EPHA3: variants seen among roughly 807,000 people sequenced by gnomAD.
The protein encoded by EPHA3 is ephrin type-A receptor 3.
A neutral mutation model predicts 107.1 loss-of-function variants in EPHA3; 42 were observed. The ratio of observed to expected loss-of-function variants is 0.39; its 90% confidence interval spans 0.31 to 0.51. EPHA3 has a LOEUF of 0.51. Among genes scored for constraint, EPHA3 ranks in the 20% least tolerant of loss-of-function variants. The pLI is 0.78. For missense variants in EPHA3, 1,183 were observed against 1,211.2 expected (o/e 0.98, Z 0.35); for synonymous variants, 461 against 424.8 (o/e 1.09, Z -1.05).
intron 5 of EPHA3, among the ~76,000 whole-genome samples, chr3:89,357,961 C>A (rs1708002717): frequency 6.6e-6 from 1 of 151,096 alleles, no homozygotes; most frequent in African/African-American, 2.4e-5. Context: ...TATTAAAATC[C>A]TAATATAAAA....
chr3:89,337,873 A>T lies in EPHA3; in HGVS notation c.815-3043A>T, dbSNP rs188706621. ...ACAAACAGGGTATTGTCTTTCTGAC[A>T]TTATAAGAAATCTTGAGATTGGTGG... On this transcript the variant is annotated intron_variant, in intron 3 of 16. Coordinates refer to ENST00000336596, the MANE Select transcript of EPHA3 (RefSeq NM_005233.6). Among the ~76,000 whole-genome samples, 8 of 152,324 alleles carry T rather than the reference A, an allele frequency of 5.3e-5. No individual in the cohort carries two copies. In the East Asian group the frequency reaches 1.5e-3, roughly 29 times the overall value.
At chr3:89,351,616 C>T (rs1707822291) in intron 5 of EPHA3, among the ~76,000 whole-genome samples, 1 of 151,294 alleles carries the variant, frequency 6.6e-6, no homozygotes. Flanking sequence ...CGGAGCTGTT[C>T]CTATTCGGCC....
intron 9 of EPHA3, among the ~76,000 whole-genome samples, chr3:89,410,877 A>C (rs553663457): frequency 1.3e-5 from 2 of 151,974 alleles, no homozygotes; most frequent in South Asian, 2.1e-4. Flanking sequence ...AGTTATTTTA[A>C]TGTAACAATA....
At position 89,240,842 on chromosome 3, in the gene EPHA3, A is replaced by G. The variant is rs147850765; in HGVS notation, c.814+30322A>G. Among the ~76,000 whole-genome samples, 5 of 152,228 alleles carry G rather than the reference A, an allele frequency of 3.3e-5. No individual in the cohort carries two copies. The East Asian group carries it at 9.7e-4, about 29-fold the overall frequency. ...AAGATGGATAAGCTGATTTGAGACA[A>G]TTGAGTTCAATAATTATTATAGAGT... On this transcript the variant is annotated intron_variant, in intron 3 of 16. Transcript: ENST00000336596.
rs915659644 is a variant in EPHA3 at position 89,252,951 on chromosome 3, C to A, written c.814+42431C>A. Reference sequence around the variant, plus strand: ...GCAAAACATTGTCTGAATTTAGGTTCTTTAATTGGTTTACTTTAAACTTGC... The same window carrying A: ...GCAAAACATTGTCTGAATTTAGGTTATTTAATTGGTTTACTTTAAACTTGC... On this transcript the variant is annotated intron_variant, in intron 3 of 16. Coordinates refer to ENST00000336596, the MANE Select transcript of EPHA3 (RefSeq NM_005233.6). Among the ~76,000 whole-genome samples the A allele has an allele frequency of 5.0e-4, 76 of 151,244 alleles. 1 individual carries two copies. The highest frequency in any genetic ancestry group is 1.8e-3 in the African/African-American group (74 of 41,388).
intron 11 of EPHA3, among the ~76,000 whole-genome samples, chr3:89,425,698 T>C (rs2107531724): frequency 6.6e-6 from 1 of 151,740 alleles, no homozygotes; most frequent in East Asian, 1.9e-4. Flanking sequence ...AGAAAATATC[T>C]TTATGACTGA....
intron 3 of EPHA3, among the ~76,000 whole-genome samples, chr3:89,262,796 C>G (rs1480804573): frequency 1.1e-4 from 16 of 151,982 alleles, no homozygotes; most frequent in Non-Finnish European, 1.5e-5. Flanking sequence ...TCACTCGCAC[C>G]CACTGCGTTC....
At chr3:89,456,938 C>T (rs953583028) in intron 15 of EPHA3, among the ~76,000 whole-genome samples, 5 of 152,086 alleles carry the variant, frequency 3.3e-5, no homozygotes, top group African/African-American at 4.8e-5. Flanking sequence ...TCCTCAACAG[C>T]TTACGTTTAA....
rs570212011 is a variant in EPHA3, at chr3:89,169,828, T to C, written c.154-40032T>C. Among the ~76,000 whole-genome samples the C allele has an allele frequency of 2.6e-5, 4 of 152,358 alleles. No individual in the cohort carries two copies. In the South Asian group the frequency reaches 6.2e-4, roughly 24 times the overall value. On this transcript the variant is annotated intron_variant, in intron 2 of 16. Coordinates refer to ENST00000336596, the MANE Select transcript of EPHA3 (RefSeq NM_005233.6). ...AACCTTAATTTTGTTTTTTTGTTCATATTTTCTGATAGTAGAAATTGCAGC... is the reference window on the plus strand; with the variant it reads ...AACCTTAATTTTGTTTTTTTGTTCACATTTTCTGATAGTAGAAATTGCAGC...
chr3:89,419,643 G>A, intron 11 of EPHA3, among the ~76,000 whole-genome samples: 1 of 151,318 alleles, frequency 6.6e-6, no homozygotes, highest in East Asian at 1.9e-4. Context: ...CCATTTAAAG[G>A]TACGCTGATT....
intron 2 of EPHA3, among the ~76,000 whole-genome samples, chr3:89,140,793 A>G (rs1704414565): frequency 6.6e-6 from 1 of 151,692 alleles, no homozygotes; most frequent in South Asian, 2.1e-4. Context: ...GTAGCATACA[A>G]GGGGCTTGTA....
chr3:89,188,465 C>G (rs531031960), intron 2 of EPHA3, among the ~76,000 whole-genome samples: 1 of 152,150 alleles, frequency 6.6e-6, no homozygotes, highest in East Asian at 1.9e-4. Context: ...TTTTCTTAAG[C>G]TCTTTCCTAG....
chr3:89,202,515 CAAAAAAAAAAA>C (rs375753577), intron 2 of EPHA3, among the ~76,000 whole-genome samples: 4 of 116,896 alleles, frequency 3.4e-5, no homozygotes, highest in Non-Finnish European at 6.7e-5. Flanking sequence ...GACTCTGTCT[CAAAAAAAAAAA>C]AAAAAAAAAT....
chr3:89,415,319 T>A (rs1709224439), intron 10 of EPHA3, among the ~76,000 whole-genome samples: 1 of 150,790 alleles, frequency 6.6e-6, no homozygotes, highest in Non-Finnish European at 1.5e-5. Flanking sequence ...ATTTACCTAC[T>A]TCCTACATTC....
At chr3:89,450,508 C>T in intron 15 of EPHA3, 138 bp downstream of exon 15, 6 of 739,092 alleles carry the variant, frequency 8.1e-6, no homozygotes, top group Non-Finnish European at 1.3e-5. Flanking sequence ...ATGTATTTCC[C>T]CTTTCTTTTT....
chr3:89,249,491 G>A (rs1705111960), intron 3 of EPHA3, among the ~76,000 whole-genome samples: 1 of 151,914 alleles, frequency 6.6e-6, no homozygotes, highest in South Asian at 2.1e-4. Flanking sequence ...GACAGGGTCT[G>A]GCTCTGGCAC....
chr3:89,184,005 A>G (rs1213957653), intron 2 of EPHA3, among the ~76,000 whole-genome samples: 5 of 151,928 alleles, frequency 3.3e-5, no homozygotes, highest in African/African-American at 1.2e-4. Context: ...TATGAACAGT[A>G]TTTTGTGTTT....
At chr3:89,361,015 A>C (rs1294438051) in intron 5 of EPHA3, among the ~76,000 whole-genome samples, 1 of 151,060 alleles carries the variant, frequency 6.6e-6, no homozygotes, top group Non-Finnish European at 1.5e-5. Flanking sequence ...GCTAACTCAC[A>C]ATTATGGCAA....
intron 13 of EPHA3, among the ~76,000 whole-genome samples, chr3:89,441,273 C>T: frequency 6.6e-6 from 1 of 152,142 alleles, no homozygotes; most frequent in East Asian, 1.9e-4. Context: ...GAAGGTTTGG[C>T]ACTGGAGATG....
Sources: gnomAD v4.1 joint callset for allele counts (sites outside exome capture counted in the v4.1 genomes callset) on GRCh38, gnomAD v4.1.1 for gene constraint, MANE v1.5 for transcripts, NCBI Gene and HGNC (gene_info 2026-07-23, HGNC 2026-07-21) for gene names.